ATXN7L1: variants seen among roughly 807,000 people sequenced by gnomAD.
ATXN7L1 encodes ataxin 7 like 1.
Under a neutral mutation model 70.8 loss-of-function variants are expected in ATXN7L1, and 15 were observed. The ratio of observed to expected loss-of-function variants is 0.21; its 90% CI spans 0.14 to 0.33. The LOEUF is 0.33. ATXN7L1 is among the 10% of genes least tolerant of loss of function. ATXN7L1 has a pLI of 1.00. For synonymous variants in ATXN7L1, 440 were observed against 445.1 expected, an observed-to-expected ratio of 0.99 and a Z score of 0.14; for missense variants, 975 against 1,097.1, an observed-to-expected ratio of 0.89 and a Z score of 1.57.
chr7:105,756,254 A>T (rs987812907), intron 3 of ATXN7L1, among the ~76,000 whole-genome samples: 8 of 148,242 alleles, frequency 5.4e-5, no homozygotes, highest in African/African-American at 2.0e-4. Flanking sequence ...TCACCCATTT[A>T]AAAAAACTCT....
At chr7:105,737,102 G>A (rs1797463677) in intron 3 of ATXN7L1, among the ~76,000 whole-genome samples, 1 of 152,196 alleles carries the variant, frequency 6.6e-6, no homozygotes, top group Non-Finnish European at 1.5e-5. Flanking sequence ...AATTTCTAAT[G>A]TATTTTATGA....
At chr7:105,619,247 A>G (rs1794442905) in intron 9 of ATXN7L1, among the ~76,000 whole-genome samples, 1 of 136,494 alleles carries the variant, frequency 7.3e-6, no homozygotes, top group African/African-American at 2.7e-5. Context: ...TTCCGGGTTC[A>G]AGCGATTCTC....
At chr7:105,748,947 G>A (rs1584913673) in intron 3 of ATXN7L1, among the ~76,000 whole-genome samples, 1 of 152,198 alleles carries the variant, frequency 6.6e-6, no homozygotes, top group African/African-American at 2.4e-5. Context: ...GCCCTCTGCT[G>A]GGGAGGAATG....
At chr7:105,746,765 T>C (rs907194370) in intron 3 of ATXN7L1, among the ~76,000 whole-genome samples, 9 of 152,176 alleles carry the variant, frequency 5.9e-5, no homozygotes, top group African/African-American at 2.2e-4. Context: ...GAATGCATTA[T>C]TAAGTCAAAA....
chr7:105,692,387 TTC>T (rs1791022493), intron 3 of ATXN7L1, among the ~76,000 whole-genome samples: 1 of 107,906 alleles, frequency 9.3e-6, no homozygotes, highest in Non-Finnish European at 1.9e-5. Flanking sequence ...CCTTCCTTCC[TTC>T]CTTCCTTCCT....
intron 10 of ATXN7L1, among the ~76,000 whole-genome samples, chr7:105,612,678 T>C (rs1302015740): frequency 6.6e-6 from 1 of 152,162 alleles, no homozygotes; most frequent in Non-Finnish European, 1.5e-5. Context: ...AGAGGACCTG[T>C]GTCTCCCGCT....
At chr7:105,766,835 A>G (rs761893575) in intron 3 of ATXN7L1, among the ~76,000 whole-genome samples, 8 of 152,202 alleles carry the variant, frequency 5.3e-5, no homozygotes, top group Non-Finnish European at 1.0e-4. Flanking sequence ...CCCAGGGGGA[A>G]CCAGCTTCCG....
At position 105,806,220 on chromosome 7, in the gene ATXN7L1, T is replaced by A. The variant is rs117633244; in HGVS notation, c.251-17512A>T. 5.2e-4 allele frequency among the ~76,000 whole-genome samples: 79 copies of A among 152,090 alleles called. No homozygotes were observed. In the East Asian group the frequency reaches 0.011, roughly 21 times the overall value. ...GAGACCCTAGCACCCAGTGAGGTGG[T>A]ATAAGGAGATGGGACCTTTGGGGAA... On this transcript the variant is annotated intron_variant, in intron 2 of 11. Coordinates refer to ENST00000419735, the MANE Select transcript of ATXN7L1 (RefSeq NM_020725.2).
rs182219820 is a variant in ATXN7L1, at chr7:105,624,481, C to G, written c.1203-214G>C. ...CCTGGCCAACATGGTGAAACCCCGT[C>G]TCTACTAAAATACAAAAAATTAGCT... On this transcript the variant is annotated intron_variant, in intron 7 of 11. Transcript: ENST00000419735. 8.3e-4 allele frequency among the ~76,000 whole-genome samples: 127 copies of G among 152,180 alleles called. 3 individuals are homozygous for G. The highest frequency in any genetic ancestry group is 3.0e-3 in the African/African-American group (123 of 41,542).
chr7:105,711,755 C>A lies in ATXN7L1; in HGVS notation c.356-46467G>T, dbSNP rs545021979. Among the ~76,000 whole-genome samples the A allele has an allele frequency of 1.1e-4, 16 of 152,290 alleles. No individual in the cohort carries two copies. In the South Asian group the frequency reaches 1.9e-3, roughly 18 times the overall value. On this transcript the variant is annotated intron_variant, in intron 3 of 11. Coordinates refer to ENST00000419735, the MANE Select transcript of ATXN7L1 (RefSeq NM_020725.2). ...CTGTGGCACTTCCAGGCGCATGGTGCAAGATGTTGGTCTATCTACCATTCT... is the reference window on the plus strand; with the variant it reads ...CTGTGGCACTTCCAGGCGCATGGTGAAAGATGTTGGTCTATCTACCATTCT...
intron 3 of ATXN7L1, among the ~76,000 whole-genome samples, chr7:105,742,382 C>A (rs866195584): frequency 1.3e-5 from 2 of 152,190 alleles, no homozygotes; most frequent in African/African-American, 2.4e-5. Context: ...TAGGCAATAA[C>A]CCTTACCTCA....
At chr7:105,776,597 T>A (rs1453838744) in intron 3 of ATXN7L1, among the ~76,000 whole-genome samples, 1 of 152,140 alleles carries the variant, frequency 6.6e-6, no homozygotes, top group Non-Finnish European at 1.5e-5. Flanking sequence ...ATGGTGAGCC[T>A]GACAGGGGTC....
At chr7:105,634,728 C>T (rs1315309845) in intron 7 of ATXN7L1, among the ~76,000 whole-genome samples, 3 of 151,970 alleles carry the variant, frequency 2.0e-5, no homozygotes, top group African/African-American at 7.3e-5. Flanking sequence ...AACCTCAAAG[C>T]CCCCCAGACT....
At position 105,853,557 on chromosome 7, in the gene ATXN7L1, AAACAAACAAACAAAAAAC is replaced by A. The variant is rs567220562; in HGVS notation, c.250+22237_250+22254del. On this transcript the variant is annotated intron_variant, in intron 2 of 11. Transcript: ENST00000419735. ...TGACAGAGCAAGACTCGGTCTCAAA[AAACAAACAAACAAAAAAC>A]AACAAACAAACAAAAAAAACAAAAA... is the stretch of plus-strand genomic sequence containing the variant. 2.2e-3 allele frequency among the ~76,000 whole-genome samples: 339 copies of A among 151,732 alleles called. 1 individual carries two copies. The highest frequency in any genetic ancestry group is 7.7e-3 in the African/African-American group (318 of 41,320).
rs547470835 is a variant in ATXN7L1, at chr7:105,691,975, C to T, written c.356-26687G>A. On this transcript the variant is annotated intron_variant, in intron 3 of 11. Transcript: ENST00000419735. The stretch of plus-strand genomic sequence containing the variant: ...CAGAAAGCGAACCGGCTGCCTCGTG[C>T]GGGTGTTTTTGTTAACTGTTTATGC... 3.9e-5 allele frequency among the ~76,000 whole-genome samples: 6 copies of T among 152,302 alleles called. No individual in the cohort carries two copies. In the South Asian group the frequency reaches 8.3e-4, roughly 21 times the overall value.
In ATXN7L1 at chr7:105,716,665, G is replaced by GCACACACA. The variant is rs58217531; in HGVS notation, c.356-51385_356-51378dup. Among the ~76,000 whole-genome samples, 370 of 125,590 alleles carry GCACACACA rather than the reference G, an allele frequency of 2.9e-3. 3 individuals are homozygous for GCACACACA. The highest frequency in any genetic ancestry group is 9.6e-3 in the East Asian group (42 of 4,376). The allele number at this position is 125,590 out of a possible 152,430, so 82.4% of individuals were successfully genotyped here. ...GGCAACATGGCGAAAACCTATCTCT[G>GCACACACA]CACACACACACACACACACACACAC... On this transcript the variant is annotated intron_variant, in intron 3 of 11. Transcript: ENST00000419735.
intron 2 of ATXN7L1, among the ~76,000 whole-genome samples, chr7:105,838,754 C>T (rs1384051060): frequency 2.6e-5 from 4 of 152,148 alleles, no homozygotes; most frequent in Non-Finnish European, 4.4e-5. Context: ...CCCAGAGCAA[C>T]GTGGAAATGA....
chr7:105,632,793 C>T (rs1218464880), intron 7 of ATXN7L1, among the ~76,000 whole-genome samples: 3 of 151,838 alleles, frequency 2.0e-5, no homozygotes, highest in Admixed American at 2.0e-4. Flanking sequence ...CAGTGGCTTG[C>T]ACCTGTAGTC....
chr7:105,811,081 C>A lies in ATXN7L1; in HGVS notation c.251-22373G>T, dbSNP rs1210102407. Among the ~76,000 whole-genome samples the A allele has an allele frequency of 4.6e-5, 7 of 152,258 alleles. No homozygotes were observed. The South Asian group carries it at 1.5e-3, about 32-fold the overall frequency. Reference sequence around the variant, plus strand: ...TGAAAAGATATGGTGAAGTCCTATCCCCAATACTTGTGAATGTGGTCTTAT... The same window carrying A: ...TGAAAAGATATGGTGAAGTCCTATCACCAATACTTGTGAATGTGGTCTTAT... On this transcript the variant is annotated intron_variant, in intron 2 of 11. Coordinates refer to ENST00000419735, the MANE Select transcript of ATXN7L1 (RefSeq NM_020725.2).
Sources: gnomAD v4.1 joint callset for allele counts (sites outside exome capture counted in the v4.1 genomes callset) on GRCh38, gnomAD v4.1.1 for gene constraint, MANE v1.5 for transcripts, NCBI Gene and HGNC (gene_info 2026-07-23, HGNC 2026-07-21) for gene names.